The following PTGS1 variants were observed in gnomAD, a reference collection of about 807,000 sequenced individuals.
The protein encoded by PTGS1 is prostaglandin-endoperoxide synthase 1.
In PTGS1, 40 loss-of-function variants were observed where a neutral mutation model predicts 63.0. The observed-to-expected ratio is 0.63, with a 90% CI of 0.49 to 0.83. The LOEUF is 0.83. Among genes scored for constraint, PTGS1 ranks in the 40% least tolerant of loss-of-function variants. The probability of loss-of-function intolerance (pLI) is 0.00; values close to 1 mark genes in which losing one functional copy is unlikely to be tolerated. For synonymous variants in PTGS1, 298 were observed against 301.9 expected (o/e 0.99, Z 0.13); for missense variants, 709 against 786.5 (o/e 0.90, Z 1.18).
intron 8 of PTGS1, among the ~76,000 whole-genome samples, chr9:122,385,198 T>G (rs569143407): frequency 1.3e-5 from 2 of 152,318 alleles, no homozygotes; most frequent in East Asian, 1.9e-4. Flanking sequence ...CCTCAGGTGA[T>G]CCACCCGCCT....
intron 2 of PTGS1, 65 bp from the exon 3 acceptor site, chr9:122,377,834 A>T: frequency 7.3e-7 from 1 of 1,372,414 alleles, no homozygotes; most frequent in Non-Finnish European, 1.0e-6. Context: ...TTCCCCCATC[A>T]GGGGCTAGAT....
rs771716118 is a variant in PTGS1, at chr9:122,381,763, G to C, written c.762+16G>C. ...CAAGTACCAGGTAGTGCTGGGCCAG[G>C]GGGTAGGGCAGAGGGAGGGGTCTCC... On this transcript the variant is annotated intron_variant, in intron 7 of 10. Coordinates refer to ENST00000362012, the MANE Select transcript of PTGS1 (RefSeq NM_000962.4). The C allele has an allele frequency of 6.2e-6, 10 of 1,608,798 alleles. 1 individual carries two copies. In the South Asian group the frequency reaches 6.6e-5, roughly 11 times the overall value.
At chr9:122,385,280 C>T (rs144066061) in intron 8 of PTGS1, among the ~76,000 whole-genome samples, 1 of 152,230 alleles carries the variant, frequency 6.6e-6, no homozygotes, top group East Asian at 1.9e-4. Context: ...TTATAACACA[C>T]ATTTTACAGT....
At chr9:122,377,468 G>A (rs536836994) in intron 2 of PTGS1, among the ~76,000 whole-genome samples, 7 of 151,192 alleles carry the variant, frequency 4.6e-5, no homozygotes, top group East Asian at 2.0e-4. Flanking sequence ...TTTTCTGACC[G>A]CCCCCCCACC....
chr9:122,378,342 T>A, intron 3 of PTGS1, 91 bp from the exon 4 acceptor site: 1 of 1,561,826 alleles, frequency 6.4e-7, no homozygotes, highest in Non-Finnish European at 8.7e-7. Flanking sequence ...TGTTCCACCC[T>A]GGCCCTTGTC....
In PTGS1 at chr9:122,392,369, A is replaced by C. The variant is rs1196962987; in HGVS notation, c.1625A>C (p.Glu542Ala). Residue 542 changes from glutamate (E) to alanine (A), a missense_variant, in exon 11 of 11, where the codon GAG (glutamate) becomes GCG (alanine). Glu to Ala is a moderately radical substitution (Grantham distance 107). Coordinates refer to ENST00000362012, the MANE Select transcript of PTGS1 (RefSeq NM_000962.4). Reference protein sequence around the residue: ...GLLGNPICSPEYWKPSTFGGE... With the variant: ...GLLGNPICSPAYWKPSTFGGE... Reference sequence around the variant, plus strand: ...CTAGGGAATCCCATCTGTTCTCCGGAGTACTGGAAGCCGAGCACATTTGGC... The same window carrying C: ...CTAGGGAATCCCATCTGTTCTCCGGCGTACTGGAAGCCGAGCACATTTGGC... 1.2e-6 allele frequency: 2 copies of C among 1,614,110 alleles called. No individual in the cohort carries two copies. The highest frequency in any genetic ancestry group is 1.7e-6 in the Non-Finnish European group (2 of 1,180,022).
At chr9:122,372,832 T>A (rs907772660) in intron 2 of PTGS1, 4 of 151,804 alleles carry the variant, frequency 2.6e-5, no homozygotes, top group Non-Finnish European at 4.4e-5. Context: ...TGTTTTTTTT[T>A]ATCCCCAAGG....
chr9:122,388,172 G>A (rs377575676), intron 9 of PTGS1, among the ~76,000 whole-genome samples: 3 of 152,354 alleles, frequency 2.0e-5, no homozygotes, highest in East Asian at 1.9e-4. Flanking sequence ...AAGGCAGAAA[G>A]GCCGCAGAGA....
intron 2 of PTGS1, among the ~76,000 whole-genome samples, chr9:122,374,423 A>G (rs1465175773): frequency 6.6e-6 from 1 of 152,168 alleles, no homozygotes; most frequent in Non-Finnish European, 1.5e-5. Context: ...GGACTCACCC[A>G]AGAATGCACA....
chr9:122,371,490 A>T, intron 2 of PTGS1: 1 of 1,276,512 alleles, frequency 7.8e-7, no homozygotes, highest in Non-Finnish European at 1.0e-6. Context: ...CAGGGGAAAC[A>T]GCAGACTGGG....
At chr9:122,381,004 A>T (rs1348831496) in intron 5 of PTGS1, among the ~76,000 whole-genome samples, 1 of 152,266 alleles carries the variant, frequency 6.6e-6, no homozygotes, top group East Asian at 1.9e-4. Flanking sequence ...ATTATGGAAA[A>T]ATTGCAAAGA....
In PTGS1 at chr9:122,377,747, T is replaced by C. The variant is rs1837262349; in HGVS notation, c.95-152T>C. On this transcript the variant is annotated intron_variant, in intron 2 of 10. Transcript: ENST00000362012. ...CACAGAGGTGGGAACAGGGGTCCCC[T>C]TGGGGGAACCCTGAAGCCCTGGCAC... 5 of 664,550 alleles carry C rather than the reference T, an allele frequency of 7.5e-6. No homozygotes were observed. In the East Asian group the frequency reaches 1.1e-4, roughly 14 times the overall value. The allele number at this position is 664,550 out of a possible 1,614,324, so 41.2% of individuals were successfully genotyped here.
chr9:122,383,456 G>C, intron 7 of PTGS1, 53 bp from the exon 8 acceptor site: 2 of 1,552,852 alleles, frequency 1.3e-6, no homozygotes, highest in Non-Finnish European at 1.7e-6. Context: ...GTTGGTTGTG[G>C]GCAGCTGTGG....
intron 2 of PTGS1, among the ~76,000 whole-genome samples, chr9:122,375,761 G>A (rs1837104353): frequency 6.6e-6 from 1 of 152,174 alleles, no homozygotes; most frequent in Non-Finnish European, 1.5e-5. Flanking sequence ...TAACAGCCTG[G>A]ATGAAGGATG....
intron 3 of PTGS1, 56 bp from the exon 4 acceptor site, chr9:122,378,377 G>A: frequency 1.9e-6 from 3 of 1,606,414 alleles, no homozygotes; most frequent in Non-Finnish European, 1.7e-6. Flanking sequence ...TTCCACCCTG[G>A]CTACTTCTGG....
intron 2 of PTGS1, among the ~76,000 whole-genome samples, chr9:122,377,141 A>T (rs540834302): frequency 6.6e-6 from 1 of 152,084 alleles, no homozygotes; most frequent in East Asian, 1.9e-4. Context: ...GGCAGCTGAG[A>T]CCTTGGAGTC....
At chr9:122,392,117 A>G (rs1838319867) in intron 10 of PTGS1, 72 bp from the exon 11 acceptor site, 1 of 1,347,402 alleles carries the variant, frequency 7.4e-7, no homozygotes, top group Non-Finnish European at 1.0e-6. Flanking sequence ...TGGACCTGGA[A>G]GGGTCCCGCC....
chr9:122,381,530 T>C lies in PTGS1; in HGVS notation c.656T>C (p.Phe219Ser). The C allele has an allele frequency of 6.2e-7, 1 of 1,614,186 alleles. No individual in the cohort carries two copies. The highest frequency in any genetic ancestry group is 8.5e-7 in the Non-Finnish European group (1 of 1,180,030). The change falls in exon 6 of 11, where the codon TTC (phenylalanine) becomes TCC (serine). Residue 219 changes from phenylalanine (F) to serine (S), a missense_variant. Transcript: ENST00000362012. The part of the protein sequence containing the change: ...FKTSGKMGPG[F>S]TKALGHGVDL... The stretch of plus-strand genomic sequence containing the variant: ...ACTTCTGGCAAGATGGGTCCTGGCT[T>C]CACCAAGGCCTTGGGCCATGGGGTG...
Position 122,377,923 on chromosome 9 carries a change from G to T in PTGS1, c.119G>T (p.Cys40Phe), listed in dbSNP as rs1355943489. 2 of 1,614,062 alleles carry T rather than the reference G, an allele frequency of 1.2e-6. No individual in the cohort carries two copies. Among genetic ancestry groups the T allele is most frequent in the South Asian group, 2.2e-5 (2 of 91,090 alleles). ...TPVNPCCYYP[C>F]QHQGICVRFG... is the part of the protein sequence containing the mutation. ...GTGAATCCCTGTTGTTACTATCCAT[G>T]CCAGCACCAGGGCATCTGTGTCCGC... Residue 40 changes from cysteine to phenylalanine, a missense_variant, in exon 3 of 11, where the codon TGC (cysteine) becomes TTC (phenylalanine). By Grantham distance (205) the Cys-to-Phe change is radical. Coordinates refer to ENST00000362012, the MANE Select transcript of PTGS1 (RefSeq NM_000962.4).
Sources: allele counts gnomAD v4.1 joint callset (sites outside exome capture counted in the v4.1 genomes callset), GRCh38; gene constraint gnomAD v4.1.1; transcripts MANE v1.5; gene names NCBI Gene and HGNC (gene_info 2026-07-23, HGNC 2026-07-21).